NRG3: variants seen among roughly 807,000 people sequenced by gnomAD.
The protein encoded by NRG3 is pro-neuregulin-3, membrane-bound isoform.
NRG3 carries 31 observed loss-of-function variants against 66.9 expected under a neutral mutation model. The observed-to-expected ratio is 0.46, with a 90% CI of 0.35 to 0.63. NRG3 has a LOEUF of 0.63. Ranked by LOEUF, NRG3 falls within the 20% of genes least tolerant of loss-of-function variation. The probability of loss-of-function intolerance (pLI) is 0.00; values close to 1 mark genes in which losing one functional copy is unlikely to be tolerated. For synonymous variants in NRG3, 393 were observed against 359.4 expected (o/e 1.09, Z -1.06); for missense variants, 910 against 878.9 (o/e 1.04, Z -0.45).
chr10:82,130,547 G>T (rs1280865305), intron 1 of NRG3, among the ~76,000 whole-genome samples: 2 of 151,818 alleles, frequency 1.3e-5, no homozygotes, highest in Non-Finnish European at 1.5e-5. Flanking sequence ...TTTTTGGGGG[G>T]GTATATACCT....
intron 1 of NRG3, among the ~76,000 whole-genome samples, chr10:82,181,984 A>C (rs1265057154): frequency 2.0e-5 from 3 of 151,434 alleles, no homozygotes; most frequent in Non-Finnish European, 4.4e-5. Flanking sequence ...TGGTGAATTG[A>C]CCTTTTTATC....
intron 2 of NRG3, among the ~76,000 whole-genome samples, chr10:82,589,713 A>G (rs1671631665): frequency 6.6e-6 from 1 of 152,210 alleles, no homozygotes; most frequent in African/African-American, 2.4e-5. Flanking sequence ...ACAATGAATC[A>G]GGTAACTGAG....
At chr10:82,721,787 C>G (rs139560245) in intron 2 of NRG3, among the ~76,000 whole-genome samples, 2 of 152,134 alleles carry the variant, frequency 1.3e-5, no homozygotes, top group African/African-American at 4.8e-5. Context: ...ATATCCCCTA[C>G]GTTGCCTTCT....
intron 1 of NRG3, among the ~76,000 whole-genome samples, chr10:82,335,266 A>G (rs562726485): frequency 3.3e-5 from 5 of 152,330 alleles, no homozygotes; most frequent in Admixed American, 6.5e-5. Flanking sequence ...GCCTAAGGAT[A>G]TAACCAATGA....
intron 1 of NRG3, among the ~76,000 whole-genome samples, chr10:81,985,536 T>C (rs1050454600): frequency 5.9e-5 from 9 of 152,352 alleles, no homozygotes; most frequent in Non-Finnish European, 1.0e-4. Flanking sequence ...AAAATGTCTC[T>C]CCTTATTGTA....
At chr10:82,576,869 T>G (rs938050940) in intron 2 of NRG3, among the ~76,000 whole-genome samples, 1 of 151,772 alleles carries the variant, frequency 6.6e-6, no homozygotes, top group African/African-American at 2.4e-5. Context: ...TGGCTTATTT[T>G]TGCAGAAGGC....
intron 2 of NRG3, among the ~76,000 whole-genome samples, chr10:82,723,900 A>G (rs1048715724): frequency 6.6e-6 from 1 of 152,106 alleles, no homozygotes; most frequent in Non-Finnish European, 1.5e-5. Flanking sequence ...GAATCACTTG[A>G]ACCTGGGAGG....
At position 82,151,550 on chromosome 10, in the gene NRG3, T is replaced by A. The variant is rs114609461; in HGVS notation, c.824-207189T>A. On this transcript the variant is annotated intron_variant, in intron 1 of 8. Coordinates refer to ENST00000372141, the MANE Select transcript of NRG3 (RefSeq NM_001010848.4). ...TCTCTTGTCTCCATTATTCATCCTG[T>A]TTCTGCCTTGATGTCATCTTGTTGG... 3.8e-3 allele frequency among the ~76,000 whole-genome samples: 585 copies of A among 152,320 alleles called. 6 individuals are homozygous for A. Among genetic ancestry groups the A allele is most frequent in the African/African-American group, 0.013 (553 of 41,580 alleles).
intron 1 of NRG3, among the ~76,000 whole-genome samples, chr10:82,184,222 A>G (rs1281436295): frequency 6.6e-6 from 1 of 152,164 alleles, no homozygotes; most frequent in Non-Finnish European, 1.5e-5. Context: ...CACCGATAGT[A>G]TAAAATCAAT....
At chr10:82,130,616 A>G (rs1396123088) in intron 1 of NRG3, among the ~76,000 whole-genome samples, 2 of 152,094 alleles carry the variant, frequency 1.3e-5, no homozygotes, top group East Asian at 1.9e-4. Context: ...AGGAACCTCT[A>G]TATTGTTCTC....
In NRG3 at chr10:82,009,178, T is replaced by C. The variant is rs187596248; in HGVS notation, c.823+133015T>C. Among the ~76,000 whole-genome samples the C allele has an allele frequency of 1.8e-3, 278 of 152,348 alleles. 2 individuals are homozygous for C. The highest frequency in any genetic ancestry group is 6.0e-3 in the African/African-American group (251 of 41,592). On this transcript the variant is annotated intron_variant, in intron 1 of 8. Transcript: ENST00000372141. ...AAAAGGTGGTAATAAAATGTTAATG[T>C]GTATTTAGTCATATGCAAAAAAGTA...
At chr10:82,800,708 G>T (rs938622667) in intron 3 of NRG3, among the ~76,000 whole-genome samples, 11 of 152,172 alleles carry the variant, frequency 7.2e-5, no homozygotes, top group African/African-American at 2.7e-4. Flanking sequence ...CAAACAAGCT[G>T]CAAAGTACCA....
chr10:82,783,058 G>A lies in NRG3; in HGVS notation c.1027+44408G>A, dbSNP rs1293305909. 9.2e-5 allele frequency among the ~76,000 whole-genome samples: 14 copies of A among 152,176 alleles called. No homozygotes were observed. The East Asian group carries it at 2.1e-3, about 23-fold the overall frequency. ...GGGATGCAAGGCTGGTTCAATATAC[G>A]CAAATCAATAAATGTAATCCAGCAT... On this transcript the variant is annotated intron_variant, in intron 3 of 8. Transcript: ENST00000372141.
intron 3 of NRG3, among the ~76,000 whole-genome samples, chr10:82,861,747 A>G (rs1389104902): frequency 6.6e-6 from 1 of 152,178 alleles, no homozygotes; most frequent in Admixed American, 6.5e-5. Flanking sequence ...AACAGGCTGT[A>G]TCTAAAGACT....
At chr10:82,263,155 A>G (rs1418340415) in intron 1 of NRG3, among the ~76,000 whole-genome samples, 2 of 152,204 alleles carry the variant, frequency 1.3e-5, no homozygotes, top group Non-Finnish European at 2.9e-5. Flanking sequence ...AGCAATTTAG[A>G]AGCTTTTGCA....
At chr10:82,449,340 CT>C (rs1178891260) in intron 2 of NRG3, among the ~76,000 whole-genome samples, 1 of 152,174 alleles carries the variant, frequency 6.6e-6, no homozygotes, top group Non-Finnish European at 1.5e-5. Context: ...CTGGAAGAGC[CT>C]GTGAGATCTT....
intron 2 of NRG3, among the ~76,000 whole-genome samples, chr10:82,392,879 CAT>C (rs149089994): frequency 1.2e-3 from 152 of 121,718 alleles, no homozygotes; most frequent in Non-Finnish European, 1.1e-3. Context: ...GAGGTGAGGT[CAT>C]ATATATATAT....
chr10:82,137,577 C>A (rs541456723), intron 1 of NRG3, among the ~76,000 whole-genome samples: 2 of 152,104 alleles, frequency 1.3e-5, no homozygotes, highest in Non-Finnish European at 2.9e-5. Context: ...TAGACACATT[C>A]GTAAACAGAT....
chr10:82,472,597 G>A (rs1353256597), intron 2 of NRG3, among the ~76,000 whole-genome samples: 2 of 152,158 alleles, frequency 1.3e-5, no homozygotes, highest in African/African-American at 4.8e-5. Context: ...ATTTCTACTT[G>A]ACTAATTCAT....
Sources: gnomAD v4.1 joint callset for allele counts (sites outside exome capture counted in the v4.1 genomes callset) on GRCh38, gnomAD v4.1.1 for gene constraint, MANE v1.5 for transcripts, NCBI Gene and HGNC (gene_info 2026-07-23, HGNC 2026-07-21) for gene names.